Variants in GAD2 observed in about 807,000 individuals in gnomAD.
The protein encoded by GAD2 is glutamate decarboxylase 2, also known as 65 kDa glutamic acid decarboxylase.
GAD2 carries 22 observed loss-of-function variants against 80.1 expected under a neutral mutation model. That is an observed-to-expected ratio of 0.27 (90% CI 0.20 to 0.39). GAD2 has a LOEUF of 0.39. GAD2 is among the 10% of genes least tolerant of loss of function. The pLI is 1.00. For synonymous variants in GAD2, 274 were observed against 256.9 expected, an observed-to-expected ratio of 1.07 and a Z score of -0.64; for missense variants, 624 against 738.4, an observed-to-expected ratio of 0.85 and a Z score of 1.80.
At position 26,217,735 on chromosome 10, in the gene GAD2, G is replaced by A; in HGVS notation, c.136+66G>A. On this transcript the variant is annotated intron_variant, in intron 2 of 15. Coordinates refer to ENST00000376261, the MANE Select transcript of GAD2 (RefSeq NM_001134366.2). This position sits in a 1 kb window ranked among gnomAD's most constrained non-coding sequence, Gnocchi z 4.9. ...GGGTCCAAGCAGTCTTCTCACCTCC[G>A]CATCCCAGTCAGCGGAGTCGGGGTT... The A allele has an allele frequency of 6.3e-7, 1 of 1,593,024 alleles. No individual in the cohort carries two copies. Among genetic ancestry groups the A allele is most frequent in the Non-Finnish European group, 8.6e-7 (1 of 1,168,624 alleles).
chr10:26,278,271 TA>T (rs1845234401), intron 11 of GAD2, among the ~76,000 whole-genome samples: 1 of 152,228 alleles, frequency 6.6e-6, no homozygotes, highest in Non-Finnish European at 1.5e-5. Flanking sequence ...CATCTAGCCA[TA>T]GAACATGATG....
intron 11 of GAD2, among the ~76,000 whole-genome samples, chr10:26,275,929 A>G (rs909681844): frequency 2.0e-5 from 3 of 152,170 alleles, no homozygotes; most frequent in African/African-American, 7.2e-5. Context: ...CAGAGGTGGA[A>G]GGATCATTGA....
chr10:26,262,162 C>T (rs1233572258), intron 8 of GAD2, among the ~76,000 whole-genome samples: 1 of 151,846 alleles, frequency 6.6e-6, no homozygotes, highest in Non-Finnish European at 1.5e-5. Flanking sequence ...GTTTAAAGAG[C>T]ATTATATGTT....
At chr10:26,263,970 A>G (rs1201485344) in intron 8 of GAD2, among the ~76,000 whole-genome samples, 2 of 152,170 alleles carry the variant, frequency 1.3e-5, no homozygotes, top group African/African-American at 2.4e-5. Flanking sequence ...CCAAGAATCT[A>G]GGTTTTGTTA....
At chr10:26,276,014 G>A in intron 11 of GAD2, among the ~76,000 whole-genome samples, 1 of 151,838 alleles carries the variant, frequency 6.6e-6, no homozygotes, top group East Asian at 1.9e-4. Flanking sequence ...TTTTAAATTA[G>A]CCAGGCATGG....
At chr10:26,238,549 T>C (rs1236132221) in intron 7 of GAD2, among the ~76,000 whole-genome samples, 7 of 152,222 alleles carry the variant, frequency 4.6e-5, no homozygotes, top group Admixed American at 4.6e-4. Flanking sequence ...TTGACACTTA[T>C]TTAGGGTATA....
chr10:26,226,333 A>G (rs1030301805), intron 6 of GAD2, among the ~76,000 whole-genome samples: 10 of 152,134 alleles, frequency 6.6e-5, no homozygotes, highest in African/African-American at 2.4e-4. Context: ...CTCACTGATA[A>G]TGGGGGATTT....
At chr10:26,276,982 A>G (rs566935224) in intron 11 of GAD2, among the ~76,000 whole-genome samples, 26 of 152,172 alleles carry the variant, frequency 1.7e-4, no homozygotes, top group Non-Finnish European at 3.2e-4. Flanking sequence ...TCTAGTGGGG[A>G]AGATTGTCAA....
At chr10:26,267,290 C>T (rs1845083884) in intron 8 of GAD2, among the ~76,000 whole-genome samples, 1 of 152,212 alleles carries the variant, frequency 6.6e-6, no homozygotes, top group African/African-American at 2.4e-5. Context: ...GTGCTTTAAA[C>T]TTTATGTAAA....
At chr10:26,259,400 A>G (rs996790224) in intron 8 of GAD2, among the ~76,000 whole-genome samples, 1 of 152,044 alleles carries the variant, frequency 6.6e-6, no homozygotes, top group Non-Finnish European at 1.5e-5. Flanking sequence ...CTTGTTTTTC[A>G]TAGCAGCCTC....
chr10:26,218,025 T>C, intron 3 of GAD2, 34 bp downstream of exon 3: 3 of 1,562,178 alleles, frequency 1.9e-6, no homozygotes, highest in Non-Finnish European at 2.6e-6. Flanking sequence ...GGGGCGCCCC[T>C]GCCCCTCTCT....
Position 26,293,082 on chromosome 10 carries a change from C to T in GAD2, c.1584+91C>T, listed in dbSNP as rs8190786. 892 of 1,033,506 alleles carry T rather than the reference C, an allele frequency of 8.6e-4. 7 individuals are homozygous for T. The African/African-American group carries it at 0.011, about 13-fold the overall frequency. The allele number at this position is 1,033,506 out of a possible 1,614,324, so 64.0% of individuals were successfully genotyped here. The stretch of plus-strand genomic sequence containing the variant: ...GACATATGCCTGTGGCCTTAGGAGA[C>T]AGCCTACCTGGGTACATGGGCCCAT... On this transcript the variant is annotated intron_variant, in intron 15 of 15. Coordinates refer to ENST00000376261, the MANE Select transcript of GAD2 (RefSeq NM_001134366.2).
chr10:26,234,114 A>G (rs1844640804), intron 7 of GAD2, among the ~76,000 whole-genome samples: 1 of 152,026 alleles, frequency 6.6e-6, no homozygotes, highest in South Asian at 2.1e-4. Flanking sequence ...ACTTGAGGTC[A>G]GGAGTTTGAG....
At position 26,255,657 on chromosome 10, in the gene GAD2, A is replaced by T. The variant is rs1222694534; in HGVS notation, c.920+9657A>T. Among the ~76,000 whole-genome samples, 5 of 135,174 alleles carry T rather than the reference A, an allele frequency of 3.7e-5. No individual in the cohort carries two copies. The Admixed American group carries it at 3.8e-4, about 10-fold the overall frequency. 88.7% of individuals were successfully genotyped at this position (135,174 alleles called of 152,430 possible). A position where few individuals can be genotyped will look rare whatever the true frequency, so the allele number is the denominator to read the frequency against. ...GGAAGGAAAAGGGGAGGGGAGGGGGAAGGGGAAGGAAAGAAGGAAGGAAGC... is the reference window on the plus strand; with the variant it reads ...GGAAGGAAAAGGGGAGGGGAGGGGGTAGGGGAAGGAAAGAAGGAAGGAAGC... On this transcript the variant is annotated intron_variant, in intron 8 of 15. Coordinates refer to ENST00000376261, the MANE Select transcript of GAD2 (RefSeq NM_001134366.2).
chr10:26,239,635 T>C (rs1844716471), intron 7 of GAD2, among the ~76,000 whole-genome samples: 1 of 152,232 alleles, frequency 6.6e-6, no homozygotes, highest in Non-Finnish European at 1.5e-5. Flanking sequence ...AGTGAACTAA[T>C]ATTAGAAATA....
At chr10:26,275,976 C>T (rs1381805737) in intron 11 of GAD2, among the ~76,000 whole-genome samples, 2 of 151,980 alleles carry the variant, frequency 1.3e-5, no homozygotes, top group African/African-American at 2.4e-5. Flanking sequence ...CAGAGTGAGA[C>T]TCCATCTCTA....
rs760375732 is a variant in GAD2 at position 26,286,446 on chromosome 10, C to T, written c.1338C>T (p.Cys446=). 25 of 1,613,728 alleles carry T rather than the reference C, an allele frequency of 1.5e-5. No individual in the cohort carries two copies. Among genetic ancestry groups the T allele is most frequent in the Middle Eastern group, 1.6e-4 (1 of 6,084 alleles). ...ACACTGGAGACAAGGCCTTACAGTG[C>T]GGACGCCACGTTGATGTTTTTAAAC... The part of the protein sequence containing the change: ...SYDTGDKALQ[C]GRHVDVFKLW... Residue 446 remains cysteine, a synonymous_variant, in exon 13 of 16, where the codon TGC becomes TGT. Coordinates refer to ENST00000376261, the MANE Select transcript of GAD2 (RefSeq NM_001134366.2).
chr10:26,282,013 G>C (rs941014102), intron 12 of GAD2, among the ~76,000 whole-genome samples: 1 of 152,040 alleles, frequency 6.6e-6, no homozygotes, highest in Non-Finnish European at 1.5e-5. Context: ...TGCGATCTTG[G>C]CACACTGCGA....
At chr10:26,216,733 G>T, upstream of GAD2, 1 of 1,305,574 alleles carries the variant, frequency 7.7e-7, no homozygotes, top group Non-Finnish European at 1.1e-6. This position sits in a 1 kb window ranked among gnomAD's most constrained non-coding sequence, Gnocchi z 4.7. Flanking sequence ...GGGCACGCAC[G>T]CGCGCGCAGG....
Sources: gnomAD v4.1 joint callset for allele counts (sites outside exome capture counted in the v4.1 genomes callset) on GRCh38, gnomAD v4.1.1 for gene constraint, Gnocchi (gnomAD v3.1) non-coding constraint, MANE v1.5 for transcripts, NCBI Gene and HGNC (gene_info 2026-07-23, HGNC 2026-07-21) for gene names.